The following NPAS3 variants were observed in gnomAD, a reference collection of about 807,000 sequenced individuals.
NPAS3 encodes neuronal PAS domain-containing protein 3.
NPAS3 carries 14 observed loss-of-function variants against 73.1 expected under a neutral mutation model. That is an observed-to-expected ratio of 0.19 (90% CI 0.13 to 0.30). The LOEUF is 0.30. Ranked by LOEUF, NPAS3 falls within the 10% of genes least tolerant of loss-of-function variation. The pLI is 1.00. For missense variants in NPAS3, 1,096 were observed against 1,250.0 expected, an observed-to-expected ratio of 0.88 and a Z score of 1.86; for synonymous variants, 620 against 541.5, an observed-to-expected ratio of 1.14 and a Z score of -2.01.
intron 1 of NPAS3, among the ~76,000 whole-genome samples, chr14:33,004,817 C>CTTTTTTTTTTTTTTTTTT: frequency 0.025 from 1,577 of 63,226 alleles, 221 homozygotes; most frequent in East Asian, 0.049. Flanking sequence ...AAAAGTTTTC[C>CTTTTTTTTTTTTTTTTTT]TTTTTTTTTT....
chr14:33,684,845 G>A (rs2060043041), intron 6 of NPAS3, among the ~76,000 whole-genome samples: 1 of 152,148 alleles, frequency 6.6e-6, no homozygotes, highest in African/African-American at 2.4e-5. Flanking sequence ...TTCCAAGGCA[G>A]GTGTGAGATG....
chr14:33,769,761 T>TTC (rs2062588760), intron 7 of NPAS3, among the ~76,000 whole-genome samples: 1 of 102,524 alleles, frequency 9.8e-6, no homozygotes, highest in South Asian at 4.0e-4. Context: ...TTTTTCTTTT[T>TTC]TTTTTTTTTT....
intron 6 of NPAS3, among the ~76,000 whole-genome samples, chr14:33,710,989 C>T (rs2060802065): frequency 6.6e-6 from 1 of 152,146 alleles, no homozygotes; most frequent in Non-Finnish European, 1.5e-5. Flanking sequence ...AAACACAGAA[C>T]TTCTCGAATA....
intron 4 of NPAS3, among the ~76,000 whole-genome samples, chr14:33,487,075 A>T (rs182396537): frequency 6.2e-4 from 95 of 152,318 alleles, no homozygotes; most frequent in Non-Finnish European, 1.1e-3. Context: ...CGTATTTCTT[A>T]CATGTGAGGA....
chr14:33,477,727 G>A (rs2051110859), intron 4 of NPAS3, among the ~76,000 whole-genome samples: 1 of 152,136 alleles, frequency 6.6e-6, no homozygotes, highest in East Asian at 1.9e-4. Context: ...TCAAGCCTCA[G>A]TAGTTTTACC....
chr14:33,058,935 A>C (rs182153813), intron 2 of NPAS3, among the ~76,000 whole-genome samples: 99 of 152,330 alleles, frequency 6.5e-4, no homozygotes, highest in Non-Finnish European at 1.2e-3. Context: ...TCTTATGAAA[A>C]GGGTTCAGGA....
rs1285042868 is a variant in NPAS3, at chr14:33,236,939, C to G, written c.385+21513C>G. Reference sequence around the variant, plus strand: ...AAGATAAATCAGTGTTTTGATTTTACAGTTACAATTTTACAGTTACAGTTT... The same window carrying G: ...AAGATAAATCAGTGTTTTGATTTTAGAGTTACAATTTTACAGTTACAGTTT... On this transcript the variant is annotated intron_variant, in intron 3 of 11. Transcript: ENST00000356141. Among the ~76,000 whole-genome samples the G allele has an allele frequency of 2.0e-5, 3 of 152,020 alleles. No individual in the cohort carries two copies. The East Asian group carries it at 5.8e-4, about 29-fold the overall frequency.
chr14:33,067,840 C>T (rs188046789), intron 2 of NPAS3, among the ~76,000 whole-genome samples: 14 of 152,340 alleles, frequency 9.2e-5, no homozygotes, highest in Admixed American at 3.3e-4. Context: ...TCCTACCTTG[C>T]ACTTCTTTTG....
At chr14:33,660,816 G>A (rs2059283846) in intron 5 of NPAS3, among the ~76,000 whole-genome samples, 1 of 152,110 alleles carries the variant, frequency 6.6e-6, no homozygotes, top group South Asian at 2.1e-4. Flanking sequence ...TCTGTTTTCG[G>A]ACAGCACATT....
Position 33,800,480 on chromosome 14 carries a change from G to T in NPAS3, c.2173G>T (p.Ala725Ser). 2 of 1,482,648 alleles carry T rather than the reference G, an allele frequency of 1.3e-6. No homozygotes were observed. Among genetic ancestry groups the T allele is most frequent in the South Asian group, 1.3e-5 (1 of 75,912 alleles). 91.8% of individuals were successfully genotyped at this position (1,482,648 alleles called of 1,614,324 possible). Residue 725 changes from alanine (A) to serine (S), a missense_variant, in exon 12 of 12, where the codon GCC (alanine) becomes TCC (serine). Ala to Ser is a moderately conservative substitution (Grantham distance 99). Around this residue, in one of 5 missense-constraint regions of NPAS3, gnomAD observed 698 missense variants for 676.7 expected, o/e 1.03. Coordinates refer to ENST00000356141, the Ensembl canonical transcript of NPAS3. This position sits in a 1 kb window ranked among gnomAD's most constrained non-coding sequence, Gnocchi z 6.5. ...CACCCCGCCCGGCGCCGACGGCGCG[G>T]CCGCCCGCAAGACTCAGTTCGGCGC... is the stretch of plus-strand genomic sequence containing the variant.
chr14:33,589,284 G>A (rs545252999), intron 5 of NPAS3, among the ~76,000 whole-genome samples: 1 of 152,286 alleles, frequency 6.6e-6, no homozygotes, highest in Admixed American at 6.5e-5. Flanking sequence ...CATGAAAAAT[G>A]GGAGGGAGGG....
intron 3 of NPAS3, among the ~76,000 whole-genome samples, chr14:33,322,547 G>C (rs2140241917): frequency 6.6e-6 from 1 of 151,576 alleles, no homozygotes; most frequent in African/African-American, 2.4e-5. Flanking sequence ...GGTAAACATT[G>C]TTTTAAGCAA....
chr14:33,029,565 C>T (rs1351199563), intron 1 of NPAS3, among the ~76,000 whole-genome samples: 4 of 152,142 alleles, frequency 2.6e-5, no homozygotes, highest in African/African-American at 7.2e-5. Flanking sequence ...TTATTTATCA[C>T]ACTCTATAAA....
chr14:33,092,950 C>A (rs1320605593), intron 2 of NPAS3, among the ~76,000 whole-genome samples: 1 of 152,160 alleles, frequency 6.6e-6, no homozygotes. Context: ...CTTCCTTACA[C>A]CTTATACAAA....
intron 5 of NPAS3, among the ~76,000 whole-genome samples, chr14:33,586,899 T>G (rs975437488): frequency 6.6e-6 from 1 of 152,090 alleles, no homozygotes; most frequent in East Asian, 1.9e-4. Context: ...AGTAAGACAT[T>G]TTGGAGAATA....
chr14:32,946,245 C>T (rs1323357580), intron 1 of NPAS3, among the ~76,000 whole-genome samples: 1 of 151,962 alleles, frequency 6.6e-6, no homozygotes. Flanking sequence ...GCTTTACATG[C>T]ATTCACTCAT....
rs567499366 is a variant in NPAS3 at position 33,110,307 on chromosome 14, A to G, written c.140+54313A>G. Among the ~76,000 whole-genome samples the G allele has an allele frequency of 3.3e-5, 5 of 152,280 alleles. No homozygotes were observed. The South Asian group carries it at 8.3e-4, about 25-fold the overall frequency. Reference sequence around the variant, plus strand: ...TAAATTTAATATGCAATGAGTAACCATTTTCCAAAGAGTGTTCTACTGAAC... The same window carrying G: ...TAAATTTAATATGCAATGAGTAACCGTTTTCCAAAGAGTGTTCTACTGAAC... On this transcript the variant is annotated intron_variant, in intron 2 of 11. Coordinates refer to ENST00000356141, the Ensembl canonical transcript of NPAS3.
chr14:33,736,107 G>A (rs1251170470), intron 7 of NPAS3, among the ~76,000 whole-genome samples: 1 of 152,180 alleles, frequency 6.6e-6, no homozygotes, highest in South Asian at 2.1e-4. Flanking sequence ...ATCTGTGGGA[G>A]GGCAAACGGA....
At chr14:33,167,370 T>C (rs1435021500) in intron 2 of NPAS3, among the ~76,000 whole-genome samples, 1 of 151,952 alleles carries the variant, frequency 6.6e-6, no homozygotes, top group African/African-American at 2.4e-5. Flanking sequence ...TAAGAACCAG[T>C]GGGCTAGCAA....
Sources: gnomAD v4.1 joint callset for allele counts (sites outside exome capture counted in the v4.1 genomes callset) on GRCh38, gnomAD v4.1.1 for gene constraint, gnomAD v4.1.1 regional missense constraint, Gnocchi (gnomAD v3.1) non-coding constraint, MANE v1.5 for transcripts, NCBI Gene and HGNC (gene_info 2026-07-23, HGNC 2026-07-21) for gene names.